The following TMEM131L variants were observed in gnomAD, a reference collection of about 807,000 sequenced individuals.
The protein encoded by TMEM131L is transmembrane protein 131-like.
A neutral mutation model predicts 192.2 loss-of-function variants in TMEM131L; 54 were observed. The observed-to-expected ratio is 0.28, with a 90% CI of 0.23 to 0.35. The LOEUF (loss-of-function observed/expected upper bound fraction) is 0.35, where lower values mean the gene tolerates loss of function less well. Ranked by LOEUF, TMEM131L falls within the 10% of genes least tolerant of loss-of-function variation. The pLI is 1.00. For missense variants in TMEM131L, 1,888 were observed against 1,972.9 expected, an observed-to-expected ratio of 0.96 and a Z score of 0.82; for synonymous variants, 701 against 704.9, an observed-to-expected ratio of 0.99 and a Z score of 0.09.
intron 1 of TMEM131L, 114 bp downstream of exon 1, chr4:153,466,635 A>G: frequency 3.8e-6 from 4 of 1,045,984 alleles, no homozygotes; most frequent in Non-Finnish European, 4.9e-6. Context: ...AAGGGGCAGG[A>G]GGAGGAAGGA....
Position 153,585,489 on chromosome 4 carries a change from T to C in TMEM131L, c.1189T>C (p.Phe397Leu). 2.5e-6 allele frequency: 4 copies of C among 1,614,108 alleles called. No homozygotes were observed. Among genetic ancestry groups the C allele is most frequent in the Non-Finnish European group, 3.4e-6 (4 of 1,179,968 alleles). The change falls in exon 13 of 35, where the codon TTT becomes CTT. Residue 397 changes from phenylalanine (F) to leucine (L), a missense_variant. Physicochemically the swap from Phe to Leu is conservative, Grantham distance 22 (BLOSUM62 0). Transcript: ENST00000409959. ...TAGAATGGACTCTTCTGCAACCCAGTTTCACATAGAGACTCATGAGAACAC... is the reference window on the plus strand; with the variant it reads ...TAGAATGGACTCTTCTGCAACCCAGCTTCACATAGAGACTCATGAGAACAC... The part of the protein sequence containing the change: ...YFRMDSSATQ[F>L]HIETHENTSG...
chr4:153,512,110 T>C (rs1004296183), intron 3 of TMEM131L, among the ~76,000 whole-genome samples: 2 of 152,212 alleles, frequency 1.3e-5, no homozygotes, highest in African/African-American at 4.8e-5. Context: ...AGTTTGTTCA[T>C]TTATTTTTTT....
rs1177255196 is a variant in TMEM131L at position 153,563,456 on chromosome 4, CTTTTTTTTTTT to C, written c.660+5107_660+5117del. The stretch of plus-strand genomic sequence containing the variant: ...AGCAGTGAGAAAACGGATATGTACC[CTTTTTTTTTTT>C]TTTTTTTTTTTTTTTTTTGAGACAG... On this transcript the variant is annotated intron_variant, in intron 7 of 34. Transcript: ENST00000409959. Among the ~76,000 whole-genome samples, 102 of 88,206 alleles carry C rather than the reference CTTTTTTTTTTT, an allele frequency of 1.2e-3. 1 individual carries two copies. Among genetic ancestry groups the C allele is most frequent in the Middle Eastern group, 0.016 (2 of 126 alleles). 57.9% of individuals were successfully genotyped at this position (88,206 alleles called of 152,430 possible).
In TMEM131L at chr4:153,601,849, C is replaced by T. The variant is rs1409170775; in HGVS notation, c.2267-303C>T. The T allele has an allele frequency of 1.6e-5, 3 of 182,028 alleles. No individual in the cohort carries two copies. The East Asian group carries it at 4.6e-4, about 28-fold the overall frequency. The allele number at this position is 182,028 out of a possible 1,614,324, so 11.3% of individuals were successfully genotyped here. On this transcript the variant is annotated intron_variant, in intron 21 of 34. Coordinates refer to ENST00000409959, the MANE Select transcript of TMEM131L (RefSeq NM_001131007.2). The stretch of plus-strand genomic sequence containing the variant: ...ACTTTTGAGAAGAACCAACTTTTAA[C>T]CTTAACCTTTAACAAGTAAAGGGAC...
chr4:153,561,290 G>T (rs1465329380), intron 7 of TMEM131L, among the ~76,000 whole-genome samples: 1 of 152,080 alleles, frequency 6.6e-6, no homozygotes, highest in Non-Finnish European at 1.5e-5. Flanking sequence ...CCTTTATCAG[G>T]TACATGGTTT....
chr4:153,531,437 G>A (rs1735895939), intron 3 of TMEM131L, among the ~76,000 whole-genome samples: 1 of 152,152 alleles, frequency 6.6e-6, no homozygotes, highest in Admixed American at 6.5e-5. Flanking sequence ...TGGATATAAA[G>A]GGATTAATCC....
At chr4:153,632,678 G>A in intron 31 of TMEM131L, 40 bp from the exon 32 acceptor site, 1 of 1,612,580 alleles carries the variant, frequency 6.2e-7, no homozygotes, top group Admixed American at 1.7e-5. Context: ...TGAGGGCCAG[G>A]TGAGGATAGG....
intron 3 of TMEM131L, among the ~76,000 whole-genome samples, chr4:153,477,330 G>A (rs1045157866): frequency 5.3e-5 from 8 of 152,168 alleles, no homozygotes; most frequent in Admixed American, 2.6e-4. Flanking sequence ...TCTGGAGCTC[G>A]GAGGCCAGGG....
chr4:153,550,659 T>G (rs569049465), intron 4 of TMEM131L, among the ~76,000 whole-genome samples: 81 of 139,172 alleles, frequency 5.8e-4, no homozygotes, highest in African/African-American at 2.4e-3. Context: ...CCTTTTAATA[T>G]TTTGTAGTGA....
chr4:153,625,085 C>CT (rs1456086455), intron 29 of TMEM131L, among the ~76,000 whole-genome samples: 4 of 152,198 alleles, frequency 2.6e-5, no homozygotes, highest in Non-Finnish European at 5.9e-5. Context: ...CCACAGAAGA[C>CT]TGAAGGTTTG....
intron 13 of TMEM131L, 100 bp from the exon 14 acceptor site, chr4:153,586,109 C>T (rs1034700448): frequency 3.2e-5 from 27 of 856,182 alleles, no homozygotes; most frequent in Non-Finnish European, 4.2e-5. Flanking sequence ...TAAAATCATA[C>T]TTTCTGAAGT....
At chr4:153,525,938 C>T (rs1356259512) in intron 3 of TMEM131L, among the ~76,000 whole-genome samples, 1 of 152,002 alleles carries the variant, frequency 6.6e-6, no homozygotes, top group African/African-American at 2.4e-5. Context: ...CTCACTGCAG[C>T]CTCTGCCTCC....
intron 21 of TMEM131L, among the ~76,000 whole-genome samples, chr4:153,600,833 A>T (rs188091108): frequency 6.6e-6 from 1 of 152,352 alleles, no homozygotes; most frequent in African/African-American, 2.4e-5. Flanking sequence ...ATTAGAGGCC[A>T]GGCATGGTGG....
chr4:153,572,308 C>A (rs1729641291), intron 7 of TMEM131L, among the ~76,000 whole-genome samples: 1 of 145,264 alleles, frequency 6.9e-6, no homozygotes. Context: ...GGTTACCCAG[C>A]AAGGTTTGGT....
intron 3 of TMEM131L, among the ~76,000 whole-genome samples, chr4:153,480,656 C>G (rs1731876695): frequency 6.6e-6 from 1 of 152,040 alleles, no homozygotes; most frequent in South Asian, 2.1e-4. Flanking sequence ...CCTAGGTGAC[C>G]CAGCCTGTTC....
At chr4:153,506,565 G>A (rs894492122) in intron 3 of TMEM131L, among the ~76,000 whole-genome samples, 3 of 152,076 alleles carry the variant, frequency 2.0e-5, no homozygotes, top group African/African-American at 7.2e-5. Flanking sequence ...TATTTACGCC[G>A]GGTGCGGTGG....
Position 153,635,509 on chromosome 4 carries a change from A to C in TMEM131L, c.4495A>C (p.Thr1499Pro). 6.2e-7 allele frequency: 1 copy of C among 1,614,118 alleles called. No homozygotes were observed. The highest frequency in any genetic ancestry group is 8.5e-7 in the Non-Finnish European group (1 of 1,179,978). ...TDFIDHNSQSTWNTPPNMPAA... is the reference protein window; with the variant it reads ...TDFIDHNSQSPWNTPPNMPAA... ...CTTTATTGATCACAACTCTCAGTCT[A>C]CCTGGAACACCCCACCCAACATGCC... The change falls in exon 34 of 35, where the codon ACC (threonine) becomes CCC (proline). Residue 1499 changes from threonine (T) to proline (P), a missense_variant. By Grantham distance (38) the Thr-to-Pro change is conservative. Transcript: ENST00000409959.
intron 31 of TMEM131L, among the ~76,000 whole-genome samples, chr4:153,630,724 G>T (rs1203216608): frequency 1.3e-5 from 2 of 152,202 alleles, no homozygotes; most frequent in Non-Finnish European, 2.9e-5. Context: ...TATCCTTCCA[G>T]GAAGCCTACT....
intron 3 of TMEM131L, among the ~76,000 whole-genome samples, chr4:153,488,039 G>GGT (rs142799613): frequency 0.018 from 2,649 of 148,506 alleles, 84 homozygotes; most frequent in African/African-American, 0.062. Context: ...ATGACTGAGG[G>GGT]GTGTGTGTGT....
Sources: allele counts gnomAD v4.1 joint callset (sites outside exome capture counted in the v4.1 genomes callset), GRCh38; gene constraint gnomAD v4.1.1; transcripts MANE v1.5; gene names NCBI Gene and HGNC (gene_info 2026-07-23, HGNC 2026-07-21).